LDB2: variants seen among roughly 807,000 people sequenced by gnomAD.
The protein encoded by LDB2 is LIM domain binding 2.
In LDB2, 12 loss-of-function variants were observed where a neutral mutation model predicts 44.3. The ratio of observed to expected loss-of-function variants is 0.27; its 90% CI spans 0.17 to 0.44. The LOEUF is 0.44. LDB2 is among the 20% of genes least tolerant of loss of function. The probability of loss-of-function intolerance (pLI) is 1.00; values close to 1 mark genes in which losing one functional copy is unlikely to be tolerated. For missense variants in LDB2, 344 were observed against 473.5 expected (o/e 0.73, Z 2.54); for synonymous variants, 164 against 174.8 (o/e 0.94, Z 0.49).
At chr4:16,739,991 A>G (rs948454298) in intron 2 of LDB2, among the ~76,000 whole-genome samples, 2 of 151,912 alleles carry the variant, frequency 1.3e-5, no homozygotes, top group African/African-American at 2.4e-5. Context: ...TAATCACAAC[A>G]TAAAAGTATC....
intron 2 of LDB2, among the ~76,000 whole-genome samples, chr4:16,664,272 C>A (rs77354032): frequency 0.014 from 2,120 of 152,292 alleles, 49 homozygotes; most frequent in African/African-American, 0.049. Context: ...CTGTCTGAAC[C>A]AGGAAGCTGG....
At chr4:16,710,967 G>T (rs1327008145) in intron 2 of LDB2, among the ~76,000 whole-genome samples, 1 of 150,860 alleles carries the variant, frequency 6.6e-6, no homozygotes, top group Non-Finnish European at 1.5e-5. Flanking sequence ...AATCAGCAAT[G>T]ATCTACACCC....
chr4:16,819,475 A>AAG (rs1554036133), intron 1 of LDB2, among the ~76,000 whole-genome samples: 1 of 150,904 alleles, frequency 6.6e-6, no homozygotes, highest in Non-Finnish European at 1.5e-5. Flanking sequence ...AAAAAAAAAA[A>AAG]AAAAAGAAAT....
intron 1 of LDB2, among the ~76,000 whole-genome samples, chr4:16,881,075 G>A (rs191709771): frequency 2.0e-5 from 3 of 152,218 alleles, no homozygotes; most frequent in East Asian, 1.9e-4. Flanking sequence ...AACCAAAATC[G>A]AAGTCATCAG....
intron 1 of LDB2, among the ~76,000 whole-genome samples, chr4:16,765,206 T>A (rs751533281): frequency 6.6e-6 from 1 of 152,144 alleles, no homozygotes; most frequent in Non-Finnish European, 1.5e-5. Context: ...AGAGAGTCTA[T>A]CCAGAGAAAA....
intron 1 of LDB2, among the ~76,000 whole-genome samples, chr4:16,830,539 A>C (rs985043490): frequency 6.6e-6 from 1 of 152,212 alleles, no homozygotes; most frequent in Non-Finnish European, 1.5e-5. Context: ...TGTGGAGGAG[A>C]GATCTCACAT....
intron 1 of LDB2, among the ~76,000 whole-genome samples, chr4:16,860,549 C>G (rs1037628278): frequency 1.3e-5 from 2 of 152,220 alleles, no homozygotes; most frequent in Non-Finnish European, 2.9e-5. Context: ...TACCACCCAT[C>G]ATCTCTGTGA....
chr4:16,787,480 G>T (rs536446551), intron 1 of LDB2, among the ~76,000 whole-genome samples: 2 of 152,232 alleles, frequency 1.3e-5, no homozygotes, highest in East Asian at 3.9e-4. Flanking sequence ...CAGGCGTGGT[G>T]GCATGCGCCT....
At position 16,566,889 on chromosome 4, in the gene LDB2, A is replaced by C. The variant is rs192483753; in HGVS notation, c.615+19033T>G. The stretch of plus-strand genomic sequence containing the variant: ...TAAAGTGGCTCTTAAGTATATGAGA[A>C]GATAATAAATATCTCCTGTCATAAG... On this transcript the variant is annotated intron_variant, in intron 5 of 7. Coordinates refer to ENST00000304523, the MANE Select transcript of LDB2 (RefSeq NM_001290.5). Among the ~76,000 whole-genome samples, 26 of 152,316 alleles carry C rather than the reference A, an allele frequency of 1.7e-4. No homozygotes were observed. In the East Asian group the frequency reaches 4.4e-3, roughly 26 times the overall value.
chr4:16,562,405 G>T (rs1267463986), intron 5 of LDB2, among the ~76,000 whole-genome samples: 2 of 152,186 alleles, frequency 1.3e-5, no homozygotes, highest in African/African-American at 4.8e-5. Context: ...AGTGGGCGAA[G>T]GACATGAACA....
chr4:16,886,266 C>T (rs1721672869), intron 1 of LDB2, among the ~76,000 whole-genome samples: 1 of 151,970 alleles, frequency 6.6e-6, no homozygotes, highest in Admixed American at 6.6e-5. Flanking sequence ...AATCATGGTA[C>T]AATGGAGCCA....
Position 16,898,591 on chromosome 4 carries a change from T to TCACA in LDB2, c.-110_-107dup. On this transcript the variant is annotated 5_prime_UTR_variant, in exon 1 of 8. Transcript: ENST00000304523. ...ACAAAGTAGACGCACGCACACACGC[T>TCACA]CACACACACACAGAGGCAGGCAGGC... The TCACA allele has an allele frequency of 9.1e-7, 1 of 1,098,968 alleles. No individual in the cohort carries two copies. The highest frequency in any genetic ancestry group is 1.3e-6 in the Non-Finnish European group (1 of 773,138). The allele number at this position is 1,098,968 out of a possible 1,614,324, so 68.1% of individuals were successfully genotyped here.
At chr4:16,690,154 A>G (rs1750280236) in intron 2 of LDB2, among the ~76,000 whole-genome samples, 2 of 152,150 alleles carry the variant, frequency 1.3e-5, no homozygotes, top group South Asian at 2.1e-4. Context: ...GGGGAAGTTT[A>G]TCACAAGGGT....
intron 2 of LDB2, among the ~76,000 whole-genome samples, chr4:16,659,671 G>GTGTGTGTGTATATATATATATATA (rs1315288524): frequency 3.1e-4 from 42 of 133,534 alleles, no homozygotes; most frequent in Admixed American, 3.5e-4. Context: ...ATCTATGTGT[G>GTGTGTGTGTATATATATATATATA]TATATATATA....
intron 5 of LDB2, among the ~76,000 whole-genome samples, chr4:16,542,084 C>T (rs899540901): frequency 7.9e-6 from 1 of 127,230 alleles, no homozygotes; most frequent in Non-Finnish European, 1.6e-5. Context: ...AATCCTCCTT[C>T]CAATTACATC....
At chr4:16,743,591 G>A (rs1763779541) in intron 2 of LDB2, among the ~76,000 whole-genome samples, 1 of 151,946 alleles carries the variant, frequency 6.6e-6, no homozygotes. Context: ...GAGTTGAAGG[G>A]AGAGGGATTC....
chr4:16,824,154 G>A (rs1325549106), intron 1 of LDB2, among the ~76,000 whole-genome samples: 2 of 152,190 alleles, frequency 1.3e-5, no homozygotes, highest in East Asian at 1.9e-4. Flanking sequence ...GCAGACCACC[G>A]TCCTTTGGTT....
At chr4:16,893,608 C>A (rs952123781) in intron 1 of LDB2, among the ~76,000 whole-genome samples, 22 of 151,784 alleles carry the variant, frequency 1.4e-4, no homozygotes, top group Admixed American at 3.9e-4. Flanking sequence ...ACATTTGTAA[C>A]CTTCATATTA....
intron 1 of LDB2, among the ~76,000 whole-genome samples, chr4:16,831,683 C>T (rs1210234503): frequency 6.6e-6 from 1 of 152,178 alleles, no homozygotes; most frequent in Non-Finnish European, 1.5e-5. Context: ...TGCAACCAAG[C>T]AAAGGTGCTA....
Sources: gnomAD v4.1 joint callset for allele counts (sites outside exome capture counted in the v4.1 genomes callset) on GRCh38, gnomAD v4.1.1 for gene constraint, MANE v1.5 for transcripts, NCBI Gene and HGNC (gene_info 2026-07-23, HGNC 2026-07-21) for gene names.